Variants in SERINC5 observed in about 807,000 individuals in gnomAD.
SERINC5 encodes the protein chromosome 5 open reading frame 12.
In SERINC5, 41 loss-of-function variants were observed where a neutral mutation model predicts 63.1. The observed-to-expected ratio is 0.65, with a 90% CI of 0.51 to 0.84. SERINC5 has a LOEUF of 0.84. Ranked by LOEUF, SERINC5 falls within the 40% of genes least tolerant of loss-of-function variation. The probability of loss-of-function intolerance (pLI) is 0.00; values close to 1 mark genes in which losing one functional copy is unlikely to be tolerated. For missense variants in SERINC5, 523 were observed against 573.0 expected (o/e 0.91, Z 0.89); for synonymous variants, 222 against 215.2 (o/e 1.03, Z -0.28).
Position 80,138,860 on chromosome 5 carries a change from T to G in SERINC5, c.*4803A>C. On this transcript the variant is annotated 3_prime_UTR_variant, in exon 12 of 12. Transcript: ENST00000507668. ...AACTAACTTGAGTACTTTAATTATA[T>G]ATGTATCTAGCAGAAGAGAAAAAAA... 1 of 977,074 alleles carries G rather than the reference T, an allele frequency of 1.0e-6. No homozygotes were observed. Among genetic ancestry groups the G allele is most frequent in the Non-Finnish European group, 1.2e-6 (1 of 822,440 alleles). The allele number at this position is 977,074 out of a possible 1,614,324, so 60.5% of individuals were successfully genotyped here.
At position 80,143,102 on chromosome 5, in the gene SERINC5, C is replaced by A; in HGVS notation, c.*561G>T. 1 of 985,366 alleles carries A rather than the reference C, an allele frequency of 1.0e-6. No homozygotes were observed. The highest frequency in any genetic ancestry group is 1.2e-6 in the Non-Finnish European group (1 of 829,958). The allele number at this position is 985,366 out of a possible 1,614,324, so 61.0% of individuals were successfully genotyped here. A position where few individuals can be genotyped will look rare whatever the true frequency, so the allele number is the denominator to read the frequency against. ...ACCTCAAAGGGAAACGTTTAGGGGCCGTGAAGAGGCAGCACTGAGGGTGCA... is the reference window on the plus strand; with the variant it reads ...ACCTCAAAGGGAAACGTTTAGGGGCAGTGAAGAGGCAGCACTGAGGGTGCA... On this transcript the variant is annotated 3_prime_UTR_variant, in exon 12 of 12. Transcript: ENST00000507668.
intron 2 of SERINC5, among the ~76,000 whole-genome samples, chr5:80,190,754 A>G (rs1053664292): frequency 5.1e-4 from 77 of 152,316 alleles, no homozygotes; most frequent in African/African-American, 1.8e-3. Context: ...AGGACTCTAC[A>G]CCAAACCTAT....
At chr5:80,247,551 C>G (rs1752218484) in intron 1 of SERINC5, among the ~76,000 whole-genome samples, 1 of 152,096 alleles carries the variant, frequency 6.6e-6, no homozygotes, top group East Asian at 1.9e-4. Flanking sequence ...CAGAGCTGCC[C>G]AAGAAAACAT....
intron 11 of SERINC5, among the ~76,000 whole-genome samples, chr5:80,117,230 A>C (rs1258061483): frequency 6.6e-6 from 1 of 152,086 alleles, no homozygotes; most frequent in Non-Finnish European, 1.5e-5. Flanking sequence ...GACACACTTG[A>C]GTTCTGGTCC....
At chr5:80,136,588 C>G (rs1164218287), downstream of SERINC5, among the ~76,000 whole-genome samples, 1 of 152,030 alleles carries the variant, frequency 6.6e-6, no homozygotes, top group Admixed American at 6.6e-5. Context: ...TAAAGCTAGG[C>G]AACAAAAATG....
intron 1 of SERINC5, among the ~76,000 whole-genome samples, chr5:80,248,118 C>A (rs1481807277): frequency 1.3e-5 from 2 of 152,184 alleles, no homozygotes; most frequent in Non-Finnish European, 2.9e-5. Context: ...TCTGAAAGTG[C>A]TGGGATTACA....
At chr5:80,124,256 C>T (rs1279423103) in intron 11 of SERINC5, among the ~76,000 whole-genome samples, 1 of 152,192 alleles carries the variant, frequency 6.6e-6, no homozygotes, top group Admixed American at 6.5e-5. Context: ...GCCAAATGGG[C>T]ACCCCCAACC....
At chr5:80,255,528 G>A (rs922718854) in intron 1 of SERINC5, among the ~76,000 whole-genome samples, 2 of 152,130 alleles carry the variant, frequency 1.3e-5, no homozygotes, top group South Asian at 2.1e-4. Context: ...GGATTCATCC[G>A]ACAAGCAGAG....
chr5:80,193,411 G>A (rs1421348522), intron 2 of SERINC5, among the ~76,000 whole-genome samples: 1 of 152,124 alleles, frequency 6.6e-6, no homozygotes, highest in Non-Finnish European at 1.5e-5. Flanking sequence ...CCTGTCTGTG[G>A]ACAGTTGCTT....
At position 80,140,269 on chromosome 5, in the gene SERINC5, T is replaced by G; in HGVS notation, c.*3394A>C. ...CTGCCATGAGTCAAGATCATGTCAC[T>G]GCACTCCAGCGTGGCTGACAGAGTG... On this transcript the variant is annotated 3_prime_UTR_variant, in exon 12 of 12. Transcript: ENST00000507668. 1.1e-6 allele frequency: 1 copy of G among 920,078 alleles called. No individual in the cohort carries two copies. Among genetic ancestry groups the G allele is most frequent in the Non-Finnish European group, 1.3e-6 (1 of 792,754 alleles). 57.0% of individuals were successfully genotyped at this position (920,078 alleles called of 1,614,324 possible).
intron 11 of SERINC5, among the ~76,000 whole-genome samples, chr5:80,130,690 T>C (rs1020038062): frequency 2.0e-5 from 3 of 152,244 alleles, no homozygotes; most frequent in African/African-American, 4.8e-5. Context: ...GACATTTCAA[T>C]TGGCATTTAA....
chr5:80,153,070 G>A (rs1393519976), intron 8 of SERINC5, among the ~76,000 whole-genome samples: 1 of 152,158 alleles, frequency 6.6e-6, no homozygotes, highest in African/African-American at 2.4e-5. Context: ...GCCTAACATG[G>A]GGAAGCTTTT....
chr5:80,137,494 C>T (rs1745254784), downstream of SERINC5, among the ~76,000 whole-genome samples: 1 of 151,804 alleles, frequency 6.6e-6, no homozygotes, highest in Non-Finnish European at 1.5e-5. Flanking sequence ...CAAAAATTAG[C>T]CAGGTGTGGT....
chr5:80,241,746 G>A (rs933017414), intron 1 of SERINC5, among the ~76,000 whole-genome samples: 2 of 151,870 alleles, frequency 1.3e-5, no homozygotes, highest in South Asian at 2.1e-4. Flanking sequence ...GAAATGAAAT[G>A]GAAACTGATC....
Position 80,138,959 on chromosome 5 carries a change from C to T in SERINC5, c.*4704G>A. The T allele has an allele frequency of 5.1e-6, 5 of 974,348 alleles. No individual in the cohort carries two copies. The highest frequency in any genetic ancestry group is 4.9e-6 in the Non-Finnish European group (4 of 820,102). The allele number at this position is 974,348 out of a possible 1,614,324, so 60.4% of individuals were successfully genotyped here. A position where few individuals can be genotyped will look rare whatever the true frequency, so the allele number is the denominator to read the frequency against. ...TTTGAGTTTTTTATATAGGAAAAGCCTAGTCAATTCAGATGCTTTCTAGAA... is the reference window on the plus strand; with the variant it reads ...TTTGAGTTTTTTATATAGGAAAAGCTTAGTCAATTCAGATGCTTTCTAGAA... On this transcript the variant is annotated 3_prime_UTR_variant, in exon 12 of 12. Coordinates refer to ENST00000507668, the MANE Select transcript of SERINC5 (RefSeq NM_001174072.3).
intron 6 of SERINC5, among the ~76,000 whole-genome samples, chr5:80,169,061 T>C (rs1747481596): frequency 6.6e-6 from 1 of 152,224 alleles, no homozygotes; most frequent in South Asian, 2.1e-4. Flanking sequence ...TAAAGGCTCT[T>C]TGTGGTACAT....
At chr5:80,255,173 G>A (rs1474334249) in intron 1 of SERINC5, 1 of 152,228 alleles carries the variant, frequency 6.6e-6, no homozygotes, top group Non-Finnish European at 1.5e-5. Context: ...GTAACTGGTA[G>A]GAGACATAAT....
At position 80,229,050 on chromosome 5, in the gene SERINC5, T is replaced by TGCGGGGG. The variant is rs1751303737; in HGVS notation, c.28-25998_28-25997insCCCCCGC. ...TTTTTTTTTTTTTTTTTTTTTTTTT[T>TGCGGGGG]GGGGATGGAGTTGCCTAGGCTGGAG... On this transcript the variant is annotated intron_variant, in intron 1 of 11. Coordinates refer to ENST00000507668, the MANE Select transcript of SERINC5 (RefSeq NM_001174072.3). Among the ~76,000 whole-genome samples the TGCGGGGG allele has an allele frequency of 2.0e-4, 19 of 94,164 alleles. 5 individuals carry two copies. The highest frequency in any genetic ancestry group is 3.0e-4 in the Non-Finnish European group (14 of 46,818). The allele number at this position is 94,164 out of a possible 152,430, so 61.8% of individuals were successfully genotyped here. A position where few individuals can be genotyped will look rare whatever the true frequency, so the allele number is the denominator to read the frequency against.
chr5:80,171,999 A>T (rs1747700085), intron 5 of SERINC5, among the ~76,000 whole-genome samples: 1 of 152,346 alleles, frequency 6.6e-6, no homozygotes, highest in Admixed American at 6.5e-5. Flanking sequence ...TCAAAACGTC[A>T]AAATGAACCC....
Sources: allele counts gnomAD v4.1 joint callset (sites outside exome capture counted in the v4.1 genomes callset), GRCh38; gene constraint gnomAD v4.1.1; transcripts MANE v1.5; gene names NCBI Gene and HGNC (gene_info 2026-07-23, HGNC 2026-07-21).